ARHGAP18: variants seen among roughly 807,000 people sequenced by gnomAD.
ARHGAP18 encodes rho GTPase-activating protein 18.
ARHGAP18 carries 67 observed loss-of-function variants against 86.2 expected under a neutral mutation model. The observed-to-expected ratio is 0.78, with a 90% CI of 0.64 to 0.95. The LOEUF (loss-of-function observed/expected upper bound fraction) is 0.95. ARHGAP18 is among the 40% of genes least tolerant of loss of function. The pLI is 0.00. For missense variants in ARHGAP18, 691 were observed against 780.4 expected (o/e 0.89, Z 1.37); for synonymous variants, 283 against 280.4 (o/e 1.01, Z -0.09).
At chr6:129,659,055 A>T (rs1353469122) in intron 1 of ARHGAP18, among the ~76,000 whole-genome samples, 1 of 152,236 alleles carries the variant, frequency 6.6e-6, no homozygotes, top group Non-Finnish European at 1.5e-5. Context: ...TACACCAAAT[A>T]TCATCACTGC....
At chr6:129,708,271 G>C (rs1021312767) in intron 1 of ARHGAP18, among the ~76,000 whole-genome samples, 4 of 152,126 alleles carry the variant, frequency 2.6e-5, no homozygotes, top group African/African-American at 9.7e-5. Flanking sequence ...GTCTGGTATG[G>C]GCAGGCTACG....
At chr6:129,647,907 C>A (rs996052903) in intron 1 of ARHGAP18, among the ~76,000 whole-genome samples, 1 of 152,018 alleles carries the variant, frequency 6.6e-6, no homozygotes, top group Non-Finnish European at 1.5e-5. Context: ...GAGATTAATG[C>A]CCTCATTTCT....
chr6:129,673,881 G>T (rs1461639927), intron 1 of ARHGAP18, among the ~76,000 whole-genome samples: 1 of 152,046 alleles, frequency 6.6e-6, no homozygotes, highest in African/African-American at 2.4e-5. Context: ...CTTCTAAACT[G>T]AGTGACAAAA....
At chr6:129,583,189 G>T (rs1484879808) in intron 13 of ARHGAP18, among the ~76,000 whole-genome samples, 1 of 152,166 alleles carries the variant, frequency 6.6e-6, no homozygotes, top group Non-Finnish European at 1.5e-5. Context: ...CAATGCCCTG[G>T]ATGTCCCTCT....
At chr6:129,635,152 A>T (rs911433078) in intron 3 of ARHGAP18, among the ~76,000 whole-genome samples, 2 of 152,194 alleles carry the variant, frequency 1.3e-5, no homozygotes, top group African/African-American at 4.8e-5. Context: ...TGGATCAACC[A>T]CAGAAAGAGG....
chr6:129,634,342 C>A (rs4509146), intron 3 of ARHGAP18, among the ~76,000 whole-genome samples: 1 of 151,802 alleles, frequency 6.6e-6, no homozygotes, highest in East Asian at 1.9e-4. Context: ...AAAAAAGTCA[C>A]GAGTGGGTCC....
At chr6:129,626,065 TACACACAC>T (rs71028169) in intron 5 of ARHGAP18, among the ~76,000 whole-genome samples, 124 of 101,534 alleles carry the variant, frequency 1.2e-3, no homozygotes, top group Middle Eastern at 4.8e-3. Flanking sequence ...TATACACATA[TACACACAC>T]ACACACACAC....
chr6:129,704,972 A>G (rs532890745), intron 1 of ARHGAP18, among the ~76,000 whole-genome samples: 3 of 152,114 alleles, frequency 2.0e-5, no homozygotes, highest in Admixed American at 1.3e-4. Context: ...GACTTACTCT[A>G]TCTAGGCTTA....
rs750402593 is a variant in ARHGAP18 at position 129,600,780 on chromosome 6, T to A, written c.1434A>T (p.Val478=). The A allele has an allele frequency of 6.2e-7, 1 of 1,613,732 alleles. No individual in the cohort carries two copies. Among genetic ancestry groups the A allele is most frequent in the Non-Finnish European group, 8.5e-7 (1 of 1,179,784 alleles). The change falls in exon 11 of 15, where the codon GTA becomes GTT. Residue 478 remains valine (V), a synonymous_variant. Transcript: ENST00000368149. ...KEKNKMTVMN[V]AMVMAPNLFM... ...AGAGATTCGGGGCCATGACCATTGC[T>A]ACATTCATGACTGTCATTTTATTTT...
intron 13 of ARHGAP18, 31 bp from the exon 14 acceptor site, chr6:129,580,162 T>G: frequency 1.9e-6 from 3 of 1,587,474 alleles, no homozygotes; most frequent in Non-Finnish European, 2.6e-6. Flanking sequence ...CGATTAGTTG[T>G]ATCATCAAAC....
chr6:129,611,356 A>G (rs1788975673), intron 8 of ARHGAP18, among the ~76,000 whole-genome samples, 177 bp downstream of exon 8: 1 of 152,262 alleles, frequency 6.6e-6, no homozygotes, highest in Non-Finnish European at 1.5e-5. Flanking sequence ...CAAAAAACTT[A>G]GCAAAAACCA....
At chr6:129,681,566 T>C (rs1562722893) in intron 1 of ARHGAP18, among the ~76,000 whole-genome samples, 1 of 152,230 alleles carries the variant, frequency 6.6e-6, no homozygotes, top group Non-Finnish European at 1.5e-5. Flanking sequence ...AGAATAAAAA[T>C]ACCACATCAT....
Position 129,599,291 on chromosome 6 carries a change from T to C in ARHGAP18, c.1638A>G (p.Arg546=). Residue 546 remains arginine, a synonymous_variant, in exon 12 of 15, where the codon AGA becomes AGG. Coordinates refer to ENST00000368149, the MANE Select transcript of ARHGAP18 (RefSeq NM_033515.3). ...QNTENHKKDK[R]AMKKLLKKMA... Reference sequence around the variant, plus strand: ...TTTTCTTCAGCAATTTCTTCATGGCTCTTTTATCCTTTTTATGATTTTCCG... The same window carrying C: ...TTTTCTTCAGCAATTTCTTCATGGCCCTTTTATCCTTTTTATGATTTTCCG... 2 of 1,596,462 alleles carry C rather than the reference T, an allele frequency of 1.3e-6. No homozygotes were observed. The highest frequency in any genetic ancestry group is 1.1e-5 in the South Asian group (1 of 87,596).
intron 1 of ARHGAP18, among the ~76,000 whole-genome samples, chr6:129,670,721 C>CTTTCT (rs1429241387): frequency 1.4e-5 from 2 of 147,710 alleles, no homozygotes; most frequent in African/African-American, 5.1e-5. Flanking sequence ...CTCCCCCCAC[C>CTTTCT]AAGACTTTCT....
At chr6:129,590,682 A>G (rs751748036) in intron 12 of ARHGAP18, among the ~76,000 whole-genome samples, 2 of 152,228 alleles carry the variant, frequency 1.3e-5, no homozygotes, top group Non-Finnish European at 2.9e-5. Flanking sequence ...GAGCTGGAAT[A>G]TCAATATCCT....
At chr6:129,619,149 C>A (rs1295435396) in intron 5 of ARHGAP18, among the ~76,000 whole-genome samples, 1 of 137,596 alleles carries the variant, frequency 7.3e-6, no homozygotes, top group Non-Finnish European at 1.5e-5. Context: ...GAGAAAAAGA[C>A]TTCTAGTTAA....
At chr6:129,687,943 G>A (rs1009297172) in intron 1 of ARHGAP18, among the ~76,000 whole-genome samples, 4 of 152,212 alleles carry the variant, frequency 2.6e-5, no homozygotes, top group Middle Eastern at 3.4e-3. Flanking sequence ...TCTCGTCATC[G>A]AGAGCTCCCT....
intron 1 of ARHGAP18, among the ~76,000 whole-genome samples, chr6:129,648,541 G>A (rs1773630712): frequency 6.6e-6 from 1 of 151,686 alleles, no homozygotes; most frequent in African/African-American, 2.4e-5. Context: ...GGAGGCTGAG[G>A]TGGGAAGAGT....
At chr6:129,629,936 C>G (rs1458172505) in intron 4 of ARHGAP18, among the ~76,000 whole-genome samples, 1 of 152,106 alleles carries the variant, frequency 6.6e-6, no homozygotes, top group Admixed American at 6.5e-5. Context: ...AGTAATTTAC[C>G]ATTTAATTAA....
Sources: allele counts gnomAD v4.1 joint callset (sites outside exome capture counted in the v4.1 genomes callset), GRCh38; gene constraint gnomAD v4.1.1; transcripts MANE v1.5; gene names NCBI Gene and HGNC (gene_info 2026-07-23, HGNC 2026-07-21).